The following PPP2R2D variants were observed in gnomAD, a reference collection of about 807,000 sequenced individuals.
PPP2R2D encodes the protein serine/threonine-protein phosphatase 2A 55 kDa regulatory subunit B delta isoform.
Under a neutral mutation model 31.1 loss-of-function variants are expected in PPP2R2D, and 9 were observed. The observed-to-expected ratio is 0.29, with a 90% CI of 0.17 to 0.51. The LOEUF (loss-of-function observed/expected upper bound fraction) is 0.51, where lower values mean the gene tolerates loss of function less well. Among genes scored for constraint, PPP2R2D ranks in the 20% least tolerant of loss-of-function variants. PPP2R2D has a pLI of 0.98. For synonymous variants in PPP2R2D, 179 were observed against 172.6 expected (o/e 1.04, Z -0.29); for missense variants, 391 against 465.6 (o/e 0.84, Z 1.48).
intron 3 of PPP2R2D, among the ~76,000 whole-genome samples, chr10:131,937,864 G>A (rs1039025399): frequency 6.6e-6 from 1 of 152,166 alleles, no homozygotes; most frequent in Non-Finnish European, 1.5e-5. Flanking sequence ...TGGTAGGAGA[G>A]GGTCAAAGGA....
intron 2 of PPP2R2D, among the ~76,000 whole-genome samples, chr10:131,929,263 G>A (rs2036164698): frequency 6.6e-6 from 1 of 152,206 alleles, no homozygotes; most frequent in African/African-American, 2.4e-5. Context: ...GGCTGGAAAT[G>A]TTATCATGGG....
At chr10:131,963,746 T>C (rs1277572390), downstream of PPP2R2D, among the ~76,000 whole-genome samples, 1 of 152,196 alleles carries the variant, frequency 6.6e-6, no homozygotes, top group African/African-American at 2.4e-5. Flanking sequence ...AAAGGTATCT[T>C]CTATTTATTT....
intron 2 of PPP2R2D, among the ~76,000 whole-genome samples, chr10:131,904,998 A>T (rs1221400423): frequency 0.022 from 2,725 of 126,310 alleles, 42 homozygotes; most frequent in African/African-American, 0.057. Context: ...TTTTTTTTTT[A>T]AAAGAATTGG....
At position 131,942,904 on chromosome 10, in the gene PPP2R2D, C is replaced by G. The variant is rs565106133; in HGVS notation, c.478-1064C>G. 2.0e-4 allele frequency among the ~76,000 whole-genome samples: 31 copies of G among 152,246 alleles called. No individual in the cohort carries two copies. The South Asian group carries it at 6.4e-3, about 32-fold the overall frequency. On this transcript the variant is annotated intron_variant, in intron 5 of 8. Coordinates refer to ENST00000455566, the MANE Select transcript of PPP2R2D (RefSeq NM_018461.5). Reference sequence around the variant, plus strand: ...AATCCAAGGGTGTGGTCAGCACTACCTGGGTTAAAATGAGGGAAGCCTCCC... The same window carrying G: ...AATCCAAGGGTGTGGTCAGCACTACGTGGGTTAAAATGAGGGAAGCCTCCC...
At chr10:131,910,519 A>AT (rs1490615517) in intron 2 of PPP2R2D, among the ~76,000 whole-genome samples, 7 of 152,262 alleles carry the variant, frequency 4.6e-5, no homozygotes, top group Admixed American at 2.6e-4. Flanking sequence ...CAGTGTGTTC[A>AT]TTTTCAAGTC....
chr10:131,954,963 C>T (rs185661978), intron 8 of PPP2R2D, among the ~76,000 whole-genome samples: 366 of 152,360 alleles, frequency 2.4e-3, no homozygotes, highest in Middle Eastern at 6.8e-3. Context: ...TTGCATCATT[C>T]AGCTATTTTT....
At position 131,959,489 on chromosome 10, in the gene PPP2R2D, T is replaced by C; in HGVS notation, c.*3526T>C. ...GTCCCCCTGTGGAGATGAAGGTGTGTGTTGATCCCCCATCCCCCTGTGGAG... is the reference window on the plus strand; with the variant it reads ...GTCCCCCTGTGGAGATGAAGGTGTGCGTTGATCCCCCATCCCCCTGTGGAG... On this transcript the variant is annotated 3_prime_UTR_variant, in exon 9 of 9. Transcript: ENST00000455566. 1 of 161,348 alleles carries C rather than the reference T, an allele frequency of 6.2e-6. No individual in the cohort carries two copies. The highest frequency in any genetic ancestry group is 1.3e-5 in the Non-Finnish European group (1 of 74,298). 10.0% of individuals were successfully genotyped at this position (161,348 alleles called of 1,614,324 possible). A position where few individuals can be genotyped will look rare whatever the true frequency, so the allele number is the denominator to read the frequency against.
At chr10:131,911,947 G>A (rs1450187483) in intron 2 of PPP2R2D, 1 of 152,204 alleles carries the variant, frequency 6.6e-6, no homozygotes, top group Non-Finnish European at 1.5e-5. Context: ...GCTGAGAACA[G>A]CTGGATCAAG....
At chr10:131,965,554 A>G in the PPP2R2D span, among the ~76,000 whole-genome samples, 2 of 152,126 alleles carry the variant, frequency 1.3e-5, no homozygotes, top group African/African-American at 4.8e-5. Flanking sequence ...GGTTCAAGCA[A>G]TTCTGCCTCA....
intron 2 of PPP2R2D, among the ~76,000 whole-genome samples, chr10:131,932,058 G>A (rs1202498570): frequency 1.3e-5 from 2 of 152,080 alleles, no homozygotes; most frequent in African/African-American, 4.8e-5. Flanking sequence ...GGGCGGGGGT[G>A]GGAGGGTAAA....
chr10:131,947,674 A>G lies in PPP2R2D; in HGVS notation c.965A>G (p.Glu322Gly). Reference sequence around the variant, plus strand: ...GTGAAGGTGTGGGACCTCAACATGGAGAGCAGGCCGGTGGAGACCCACCAG... The same window carrying G: ...GTGAAGGTGTGGGACCTCAACATGGGGAGCAGGCCGGTGGAGACCCACCAG... ...LSVKVWDLNM[E>G]SRPVETHQVH... The change falls in exon 8 of 9, where the codon GAG (glutamate) becomes GGG (glycine). Residue 322 changes from glutamate to glycine, a missense_variant. Physicochemically the swap from Glu to Gly is moderately conservative, Grantham distance 98. This residue lies in a region of PPP2R2D where 123 missense variants were observed against 187.7 expected (regional missense o/e 0.66). Coordinates refer to ENST00000455566, the MANE Select transcript of PPP2R2D (RefSeq NM_018461.5). This position sits in a 1 kb window ranked among gnomAD's most constrained non-coding sequence, Gnocchi z 4.3. The G allele has an allele frequency of 6.2e-7, 1 of 1,614,208 alleles. No individual in the cohort carries two copies. Among genetic ancestry groups the G allele is most frequent in the Non-Finnish European group, 8.5e-7 (1 of 1,180,032 alleles).
chr10:131,915,406 A>G (rs1554892932), intron 2 of PPP2R2D, among the ~76,000 whole-genome samples: 1 of 152,164 alleles, frequency 6.6e-6, no homozygotes, highest in Admixed American at 6.5e-5. Flanking sequence ...AGAATAAATA[A>G]TTATGTATTA....
chr10:131,912,616 GC>G (rs1402249025), intron 2 of PPP2R2D: 1 of 152,220 alleles, frequency 6.6e-6, no homozygotes, highest in African/African-American at 2.4e-5. Context: ...CTACTGTGTT[GC>G]CTTCATCATA....
chr10:131,944,360 G>A (rs1210095878), intron 6 of PPP2R2D, among the ~76,000 whole-genome samples: 2 of 151,998 alleles, frequency 1.3e-5, no homozygotes, highest in Non-Finnish European at 2.9e-5. Flanking sequence ...CTGTATAATG[G>A]GAATTACCTG....
chr10:131,932,669 C>CAAAAAAAAAA (rs1180369012), intron 2 of PPP2R2D, among the ~76,000 whole-genome samples: 1 of 90,646 alleles, frequency 1.1e-5, no homozygotes, highest in Non-Finnish European at 2.2e-5. Context: ...AAAAAAAAAA[C>CAAAAAAAAAA]ACACAAAAAA....
chr10:131,939,916 A>G (rs539194218), intron 3 of PPP2R2D, 115 bp from the exon 4 acceptor site: 161 of 410,226 alleles, frequency 3.9e-4, no homozygotes, highest in African/African-American at 2.9e-3. Flanking sequence ...TTTTTGAGCC[A>G]GGATTTTTTA....
At chr10:131,970,895 A>C in the PPP2R2D span, 1 of 1,614,226 alleles carries the variant, frequency 6.2e-7, no homozygotes. The surrounding 1 kb of genome is among the most constrained non-coding windows in gnomAD (Gnocchi z 4.1). Context: ...CGACTTGACC[A>C]ATCCCATATC....
chr10:131,925,113 A>G (rs2036079004), intron 2 of PPP2R2D, among the ~76,000 whole-genome samples: 1 of 151,926 alleles, frequency 6.6e-6, no homozygotes, highest in Non-Finnish European at 1.5e-5. Flanking sequence ...GAGATATGTT[A>G]CTCCTTTTTA....
chr10:131,950,408 A>G (rs2036615590), intron 8 of PPP2R2D, among the ~76,000 whole-genome samples: 1 of 152,084 alleles, frequency 6.6e-6, no homozygotes, highest in South Asian at 2.1e-4. Flanking sequence ...CACCCAAGGA[A>G]AAAACGCAAA....
Sources: gnomAD v4.1 joint callset for allele counts (sites outside exome capture counted in the v4.1 genomes callset) on GRCh38, gnomAD v4.1.1 for gene constraint, gnomAD v4.1.1 regional missense constraint, Gnocchi (gnomAD v3.1) non-coding constraint, MANE v1.5 for transcripts, NCBI Gene and HGNC (gene_info 2026-07-23, HGNC 2026-07-21) for gene names.